The following COLGALT2 variants were observed in gnomAD, a reference collection of about 807,000 sequenced individuals.
COLGALT2 encodes the protein collagen beta(1-O)galactosyltransferase 2.
Under a neutral mutation model 73.4 loss-of-function variants are expected in COLGALT2, and 49 were observed. The observed-to-expected ratio is 0.67, with a 90% CI of 0.53 to 0.85. COLGALT2 has a LOEUF of 0.85. Among genes scored for constraint, COLGALT2 ranks in the 40% least tolerant of loss-of-function variants. The probability of loss-of-function intolerance (pLI) is 0.00; values close to 1 mark genes in which losing one functional copy is unlikely to be tolerated. For missense variants in COLGALT2, 722 were observed against 790.2 expected (o/e 0.91, Z 1.03); for synonymous variants, 295 against 307.6 (o/e 0.96, Z 0.43).
chr1:183,944,003 A>G (rs1670182537), intron 10 of COLGALT2, among the ~76,000 whole-genome samples, 193 bp downstream of exon 10: 1 of 152,194 alleles, frequency 6.6e-6, no homozygotes, highest in Non-Finnish European at 1.5e-5. Flanking sequence ...TCCCACCCTG[A>G]AGAGTAGAAG....
intron 1 of COLGALT2, among the ~76,000 whole-genome samples, chr1:184,032,741 T>C (rs932600760): frequency 6.6e-6 from 1 of 152,266 alleles, no homozygotes; most frequent in Non-Finnish European, 1.5e-5. Flanking sequence ...TGATAAAATA[T>C]GACATCATTC....
intron 1 of COLGALT2, among the ~76,000 whole-genome samples, chr1:184,003,465 C>T (rs1238980857): frequency 2.0e-5 from 3 of 152,156 alleles, no homozygotes; most frequent in East Asian, 1.9e-4. Flanking sequence ...TCTTCAAATC[C>T]GTCCAGTCCA....
At chr1:183,943,738 C>T (rs1670175878) in intron 10 of COLGALT2, among the ~76,000 whole-genome samples, 13 of 152,184 alleles carry the variant, frequency 8.5e-5, no homozygotes. Flanking sequence ...CTGGCTGACC[C>T]TCTAACCTCC....
At chr1:184,024,775 A>G (rs1649284079) in intron 1 of COLGALT2, among the ~76,000 whole-genome samples, 1 of 151,942 alleles carries the variant, frequency 6.6e-6, no homozygotes, top group Non-Finnish European at 1.5e-5. Context: ...GATTGGACCA[A>G]GCTGACCTGT....
At chr1:183,990,409 G>A (rs1352328356) in intron 1 of COLGALT2, among the ~76,000 whole-genome samples, 2 of 152,222 alleles carry the variant, frequency 1.3e-5, no homozygotes, top group African/African-American at 2.4e-5. Flanking sequence ...GCCGGTGATC[G>A]TGGCACTTGC....
At chr1:184,035,118 AC>A (rs1649630728) in intron 1 of COLGALT2, among the ~76,000 whole-genome samples, 1 of 151,318 alleles carries the variant, frequency 6.6e-6, no homozygotes, top group South Asian at 2.1e-4. Flanking sequence ...TCTATGCAGA[AC>A]TGGAATTCTC....
downstream of COLGALT2, among the ~76,000 whole-genome samples, chr1:183,934,691 C>T (rs1669911412): frequency 6.6e-6 from 1 of 152,164 alleles, no homozygotes; most frequent in Non-Finnish European, 1.5e-5. Flanking sequence ...GTCTCAAAAG[C>T]ACGTTATAGA....
chr1:184,023,643 T>TGG (rs56285855), intron 1 of COLGALT2, among the ~76,000 whole-genome samples: 21 of 133,142 alleles, frequency 1.6e-4, no homozygotes, highest in East Asian at 1.0e-3. Context: ...GTGCGTGAGG[T>TGG]GGGGGGGGGG....
chr1:184,023,645 G>C (rs1037712875), intron 1 of COLGALT2, among the ~76,000 whole-genome samples: 3 of 10,104 alleles, frequency 3.0e-4, no homozygotes, highest in African/African-American at 6.9e-4. Flanking sequence ...GCGTGAGGTG[G>C]GGGGGGGGGG....
At position 184,037,048 on chromosome 1, in the gene COLGALT2, C is replaced by T. The variant is rs751538803; in HGVS notation, c.263+47G>A. The T allele has an allele frequency of 5.8e-6, 8 of 1,385,418 alleles. No homozygotes were observed. The African/African-American group carries it at 7.6e-5, about 13-fold the overall frequency. The allele number at this position is 1,385,418 out of a possible 1,614,324, so 85.8% of individuals were successfully genotyped here. A position where few individuals can be genotyped will look rare whatever the true frequency, so the allele number is the denominator to read the frequency against. On this transcript the variant is annotated intron_variant, in intron 1 of 11. Coordinates refer to ENST00000361927, the MANE Select transcript of COLGALT2 (RefSeq NM_015101.4). ...CCGGGCGCTGTCCGCGCTGGGCAGGCCGCCCCCGCGTCCCGCCGCGGCGGC... is the reference window on the plus strand; with the variant it reads ...CCGGGCGCTGTCCGCGCTGGGCAGGTCGCCCCCGCGTCCCGCCGCGGCGGC...
At chr1:183,962,668 C>T (rs1182821396) in intron 6 of COLGALT2, among the ~76,000 whole-genome samples, 1 of 152,156 alleles carries the variant, frequency 6.6e-6, no homozygotes, top group Non-Finnish European at 1.5e-5. Flanking sequence ...TGTTACTGCT[C>T]TAGCTCAGGT....
intron 8 of COLGALT2, among the ~76,000 whole-genome samples, chr1:183,949,435 G>A (rs1041972971): frequency 3.9e-5 from 6 of 152,158 alleles, no homozygotes; most frequent in Non-Finnish European, 7.4e-5. Context: ...ACATTTATGG[G>A]CAACTGGCTT....
At chr1:184,009,756 T>C (rs957047656) in intron 1 of COLGALT2, among the ~76,000 whole-genome samples, 1 of 152,168 alleles carries the variant, frequency 6.6e-6, no homozygotes, top group Non-Finnish European at 1.5e-5. Context: ...AGACAAAATA[T>C]TTTTGTTTAA....
At chr1:184,015,062 A>G (rs983821548) in intron 1 of COLGALT2, among the ~76,000 whole-genome samples, 8 of 151,776 alleles carry the variant, frequency 5.3e-5, no homozygotes, top group Admixed American at 1.3e-4. Context: ...AGACTGCAGG[A>G]GGATGGATCT....
chr1:183,997,721 C>T (rs1028827442), intron 1 of COLGALT2, among the ~76,000 whole-genome samples: 2 of 152,156 alleles, frequency 1.3e-5, no homozygotes, highest in East Asian at 1.9e-4. Flanking sequence ...TGTATATAAC[C>T]CCAAACAAAC....
chr1:183,962,313 C>T (rs924509552), intron 6 of COLGALT2, among the ~76,000 whole-genome samples: 1 of 151,808 alleles, frequency 6.6e-6, no homozygotes, highest in Non-Finnish European at 1.5e-5. Flanking sequence ...ATGTGCACTA[C>T]CATGCCCAGC....
In COLGALT2 at chr1:184,037,375, G is replaced by A. The variant is rs1287432088; in HGVS notation, c.-18C>T. The stretch of plus-strand genomic sequence containing the variant: ...GCAGCCATGTTCCGGGCCGAGGCGG[G>A]CGGCGGGGAAGTCCTGGCGCGAGCG... On this transcript the variant is annotated 5_prime_UTR_variant, in exon 1 of 12. Coordinates refer to ENST00000361927, the MANE Select transcript of COLGALT2 (RefSeq NM_015101.4). 7.2e-7 allele frequency: 1 copy of A among 1,396,800 alleles called. No homozygotes were observed. Among genetic ancestry groups the A allele is most frequent in the Non-Finnish European group, 9.3e-7 (1 of 1,074,474 alleles). The allele number at this position is 1,396,800 out of a possible 1,614,324, so 86.5% of individuals were successfully genotyped here.
intron 1 of COLGALT2, among the ~76,000 whole-genome samples, chr1:183,986,514 T>C (rs1671492112): frequency 6.6e-6 from 1 of 152,172 alleles, no homozygotes; most frequent in Non-Finnish European, 1.5e-5. Flanking sequence ...AACCAATCAA[T>C]TTCATCCCTA....
At chr1:183,971,325 G>T (rs937306584) in intron 4 of COLGALT2, among the ~76,000 whole-genome samples, 24 of 152,132 alleles carry the variant, frequency 1.6e-4, no homozygotes, top group African/African-American at 5.8e-4. Context: ...AAAAATAAAT[G>T]GAGGAAAATA....
Sources: allele counts gnomAD v4.1 joint callset (sites outside exome capture counted in the v4.1 genomes callset), GRCh38; gene constraint gnomAD v4.1.1; transcripts MANE v1.5; gene names NCBI Gene and HGNC (gene_info 2026-07-23, HGNC 2026-07-21).